CADPS2: variants seen among roughly 807,000 people sequenced by gnomAD.
The protein encoded by CADPS2 is calcium-dependent secretion activator 2.
A neutral mutation model predicts 172.5 loss-of-function variants in CADPS2; 93 were observed. The ratio of observed to expected loss-of-function variants is 0.54; its 90% CI spans 0.46 to 0.64. The LOEUF (loss-of-function observed/expected upper bound fraction) is 0.64, where lower values mean the gene tolerates loss of function less well. CADPS2 is among the 30% of genes least tolerant of loss of function. The pLI, the probability that CADPS2 is intolerant of heterozygous loss-of-function variation, is 0.00. For synonymous variants in CADPS2, 546 were observed against 555.2 expected, an observed-to-expected ratio of 0.98 and a Z score of 0.23; for missense variants, 1,420 against 1,565.9, an observed-to-expected ratio of 0.91 and a Z score of 1.57.
rs573003017 is a variant in CADPS2, at chr7:122,360,993, G to A, written c.3408C>T (p.Gly1136=). The change falls in exon 26 of 30, where the codon GGC becomes GGT. Residue 1136 remains glycine (G), a synonymous_variant. Coordinates refer to ENST00000449022, the MANE Select transcript of CADPS2 (RefSeq NM_017954.11). The part of the protein sequence containing the change: ...LVSKFVSVLE[G]VLSKLSRYDE... ...CATACCTTGACAGCTTAGACAACAC[G>A]CCTTCCAACACTGAAACAAACTATA... The A allele has an allele frequency of 8.7e-6, 14 of 1,613,474 alleles. No individual in the cohort carries two copies. The highest frequency in any genetic ancestry group is 5.3e-5 in the African/African-American group (4 of 74,990).
intron 12 of CADPS2, among the ~76,000 whole-genome samples, chr7:122,480,530 T>A (rs1378498809): frequency 1.3e-5 from 2 of 152,360 alleles, no homozygotes; most frequent in Admixed American, 1.3e-4. Flanking sequence ...GGTGTTTTTT[T>A]ATGTAGTGAA....
At chr7:122,822,207 T>C (rs990083563) in intron 1 of CADPS2, among the ~76,000 whole-genome samples, 64 of 151,820 alleles carry the variant, frequency 4.2e-4, no homozygotes, top group African/African-American at 1.4e-3. Flanking sequence ...TCTAATCAGA[T>C]ATCCTGAGTC....
intron 3 of CADPS2, among the ~76,000 whole-genome samples, chr7:122,659,451 A>G (rs1024138291): frequency 3.3e-5 from 5 of 152,118 alleles, no homozygotes; most frequent in Admixed American, 6.5e-5. Flanking sequence ...TACAAAGAGA[A>G]AAAGAGTTGA....
chr7:122,669,654 A>G (rs1458021251), intron 2 of CADPS2, among the ~76,000 whole-genome samples: 2 of 151,802 alleles, frequency 1.3e-5, no homozygotes, highest in African/African-American at 2.4e-5. Context: ...AAGGCCCACA[A>G]TCATAAGGCG....
intron 8 of CADPS2, among the ~76,000 whole-genome samples, chr7:122,525,589 T>C (rs76003428): frequency 0.01 from 1,527 of 152,300 alleles, 21 homozygotes; most frequent in African/African-American, 0.034. Context: ...CCTGCTCCCT[T>C]GTGTTTAAAT....
At chr7:122,563,843 A>G (rs1040022036) in intron 7 of CADPS2, among the ~76,000 whole-genome samples, 1 of 152,140 alleles carries the variant, frequency 6.6e-6, no homozygotes, top group Admixed American at 6.5e-5. Context: ...AGATGTGGGT[A>G]TTTAAATTAA....
intron 3 of CADPS2, among the ~76,000 whole-genome samples, chr7:122,643,682 G>A (rs7798392): frequency 0.014 from 2,135 of 152,076 alleles, 44 homozygotes; most frequent in African/African-American, 0.047. Context: ...AGGGGGCAGA[G>A]GGAAGAGAAA....
At chr7:122,378,987 C>T (rs112378045) in intron 25 of CADPS2, 4,962 of 158,862 alleles carry the variant, frequency 0.031, 112 homozygotes, top group Non-Finnish European at 0.047. Flanking sequence ...TCTCTGAGAA[C>T]AGATCTAGAG....
intron 2 of CADPS2, among the ~76,000 whole-genome samples, chr7:122,673,708 GT>G (rs2082101419): frequency 6.6e-6 from 1 of 152,236 alleles, no homozygotes. Flanking sequence ...AGACATAAAA[GT>G]TCTCCAAGTC....
chr7:122,535,299 C>T (rs1485521189), intron 8 of CADPS2, among the ~76,000 whole-genome samples: 2 of 152,062 alleles, frequency 1.3e-5, no homozygotes, highest in Non-Finnish European at 2.9e-5. Flanking sequence ...TCTTAACCTC[C>T]TTATGACTCA....
chr7:122,823,725 CAGAAAATTTA>C (rs1301528398), intron 1 of CADPS2, among the ~76,000 whole-genome samples: 1 of 152,092 alleles, frequency 6.6e-6, no homozygotes, highest in Admixed American at 6.6e-5. Context: ...AGAGTTAACT[CAGAAAATTTA>C]AGAAAATATA....
chr7:122,472,729 A>C (rs1253708932), intron 13 of CADPS2, among the ~76,000 whole-genome samples: 1 of 152,206 alleles, frequency 6.6e-6, no homozygotes, highest in Admixed American at 6.5e-5. Context: ...AAAAGATAGA[A>C]TAGGATTTTG....
Position 122,651,443 on chromosome 7 carries a change from T to C in CADPS2, c.786+11794A>G, listed in dbSNP as rs184580154. Among the ~76,000 whole-genome samples the C allele has an allele frequency of 1.4e-3, 208 of 152,324 alleles. 2 individuals are homozygous for C. The highest frequency in any genetic ancestry group is 2.1e-3 in the Non-Finnish European group (143 of 68,028). On this transcript the variant is annotated intron_variant, in intron 3 of 29. Coordinates refer to ENST00000449022, the MANE Select transcript of CADPS2 (RefSeq NM_017954.11). ...GGTGACCACAGCAACTGCCTATTTATTGATTTCTTTAAACTCTTAGACTCA... is the reference window on the plus strand; with the variant it reads ...GGTGACCACAGCAACTGCCTATTTACTGATTTCTTTAAACTCTTAGACTCA...
intron 3 of CADPS2, among the ~76,000 whole-genome samples, chr7:122,650,156 C>G (rs942607769): frequency 6.6e-6 from 1 of 151,606 alleles, no homozygotes; most frequent in Non-Finnish European, 1.5e-5. Flanking sequence ...GTGATCCACC[C>G]ACCTCAGGCT....
At chr7:122,655,708 G>GA (rs1194829709) in intron 3 of CADPS2, among the ~76,000 whole-genome samples, 71 of 149,984 alleles carry the variant, frequency 4.7e-4, no homozygotes, top group African/African-American at 1.5e-3. Flanking sequence ...TAGCATTCAG[G>GA]AAAAAAAAAG....
chr7:122,555,549 T>A (rs2064931533), intron 7 of CADPS2, among the ~76,000 whole-genome samples: 1 of 152,122 alleles, frequency 6.6e-6, no homozygotes, highest in South Asian at 2.1e-4. Context: ...ACCTGAAGTT[T>A]AGATATGAAT....
chr7:122,633,077 G>A (rs968115752), intron 3 of CADPS2, among the ~76,000 whole-genome samples: 3 of 151,984 alleles, frequency 2.0e-5, no homozygotes, highest in African/African-American at 4.8e-5. Context: ...GTACTAGTAC[G>A]ATGCTGTTTT....
intron 1 of CADPS2, among the ~76,000 whole-genome samples, chr7:122,750,445 C>A (rs1350120990): frequency 6.6e-6 from 1 of 152,054 alleles, no homozygotes; most frequent in Non-Finnish European, 1.5e-5. Context: ...CTTTCTATGT[C>A]TTTGACAACA....
chr7:122,392,401 T>TTA (rs1449025486), intron 22 of CADPS2, among the ~76,000 whole-genome samples: 1,782 of 151,536 alleles, frequency 0.012, 34 homozygotes, highest in African/African-American at 0.041. Flanking sequence ...TTTTTTTTTT[T>TTA]AAATCATCAC....
Sources: allele counts gnomAD v4.1 joint callset (sites outside exome capture counted in the v4.1 genomes callset), GRCh38; gene constraint gnomAD v4.1.1; transcripts MANE v1.5; gene names NCBI Gene and HGNC (gene_info 2026-07-23, HGNC 2026-07-21).